The following PLEKHM2 variants were observed in gnomAD, a reference collection of about 807,000 sequenced individuals.
The protein encoded by PLEKHM2 is pleckstrin homology and RUN domain containing M2, also known as pleckstrin homology domain-containing family M member 2.
Under a neutral mutation model 116.3 loss-of-function variants are expected in PLEKHM2, and 77 were observed. The observed-to-expected ratio is 0.66, with a 90% confidence interval of 0.55 to 0.80. The LOEUF (loss-of-function observed/expected upper bound fraction) is 0.80, where lower values mean the gene tolerates loss of function less well. Among genes scored for constraint, PLEKHM2 ranks in the 30% least tolerant of loss-of-function variants. The pLI, the probability that PLEKHM2 is intolerant of heterozygous loss-of-function variation, is 0.00. For missense variants in PLEKHM2, 1,183 were observed against 1,354.9 expected (o/e 0.87, Z 1.99); for synonymous variants, 562 against 571.0 (o/e 0.98, Z 0.22).
chr1:15,715,328 T>C (rs754350144), intron 1 of PLEKHM2, among the ~76,000 whole-genome samples: 2 of 151,568 alleles, frequency 1.3e-5, no homozygotes, highest in Non-Finnish European at 2.9e-5. Context: ...CCAGCCTGCA[T>C]GACAGAGTGA....
At chr1:15,716,166 C>A in intron 1 of PLEKHM2, 71 bp from the exon 2 acceptor site, 1 of 984,050 alleles carries the variant, frequency 1.0e-6, no homozygotes, top group Non-Finnish European at 1.5e-6. Context: ...TAGCTACCTT[C>A]TTGATTCCAG....
chr1:15,701,167 C>T (rs1159522882), intron 1 of PLEKHM2, among the ~76,000 whole-genome samples: 1 of 145,602 alleles, frequency 6.9e-6, no homozygotes, highest in East Asian at 2.0e-4. Context: ...TGCGGTGGCT[C>T]ACTCCTGTAA....
At chr1:15,701,400 T>TCGTGC (rs1641108822) in intron 1 of PLEKHM2, among the ~76,000 whole-genome samples, 1 of 150,718 alleles carries the variant, frequency 6.6e-6, no homozygotes, top group Non-Finnish European at 1.5e-5. Flanking sequence ...GCCATTGCAT[T>TCGTGC]CCAGCCTGGG....
chr1:15,688,570 G>GA, intron 1 of PLEKHM2, among the ~76,000 whole-genome samples: 1 of 150,312 alleles, frequency 6.7e-6, no homozygotes, highest in African/African-American at 2.5e-5. Flanking sequence ...GGAAGCACTT[G>GA]ACCTGGGAGG....
chr1:15,712,169 A>C (rs1382452501), intron 1 of PLEKHM2, among the ~76,000 whole-genome samples: 1 of 151,952 alleles, frequency 6.6e-6, no homozygotes. Context: ...AAACACAAGC[A>C]GCCAGTGGAA....
intron 1 of PLEKHM2, among the ~76,000 whole-genome samples, chr1:15,713,855 G>A (rs1364303875): frequency 1.3e-5 from 2 of 151,718 alleles, no homozygotes; most frequent in South Asian, 2.1e-4. Flanking sequence ...AGCCAGGATG[G>A]TCTTGATCTC....
At chr1:15,733,529 CAG>C (rs999038145) in intron 19 of PLEKHM2, among the ~76,000 whole-genome samples, 4 of 152,192 alleles carry the variant, frequency 2.6e-5, no homozygotes, top group South Asian at 2.1e-4. Context: ...CAGAGCCAAA[CAG>C]AGTGCAGCGC....
intron 1 of PLEKHM2, among the ~76,000 whole-genome samples, chr1:15,696,836 A>G (rs751289650): frequency 4.6e-5 from 7 of 152,206 alleles, no homozygotes; most frequent in Admixed American, 3.3e-4. Context: ...TTTACTATCC[A>G]TTATGGATTT....
At chr1:15,713,539 T>G (rs1227912744) in intron 1 of PLEKHM2, among the ~76,000 whole-genome samples, 1 of 152,228 alleles carries the variant, frequency 6.6e-6, no homozygotes, top group Non-Finnish European at 1.5e-5. Flanking sequence ...GGACTTAACC[T>G]CGTCTCTGTA....
Position 15,721,023 on chromosome 1 carries a change from G to A in PLEKHM2, c.653-306G>A. 1 of 325,322 alleles carries A rather than the reference G, an allele frequency of 3.1e-6. No individual in the cohort carries two copies. Among genetic ancestry groups the A allele is most frequent in the Non-Finnish European group, 5.6e-6 (1 of 178,032 alleles). The allele number at this position is 325,322 out of a possible 1,614,324, so 20.2% of individuals were successfully genotyped here. A position where few individuals can be genotyped will look rare whatever the true frequency, so the allele number is the denominator to read the frequency against. On this transcript the variant is annotated intron_variant, in intron 6 of 19. Coordinates refer to ENST00000375799, the MANE Select transcript of PLEKHM2 (RefSeq NM_015164.4). This position sits in a 1 kb window ranked among gnomAD's most constrained non-coding sequence, Gnocchi z 5.1. ...GGGTATGGAGGGAAGGCACGTAAGA[G>A]GTAGAAAACAAAGCTAGGCACAGGC... is the stretch of plus-strand genomic sequence containing the variant.
rs762656151 is a variant in PLEKHM2 at position 15,727,397 on chromosome 1, C to G, written c.1325C>G (p.Pro442Arg). ...GACCAGTCCTTTCGGACCGGCTCTCCCGGGGATGCCCCGGAGAGGCCGCCG... is the reference window on the plus strand; with the variant it reads ...GACCAGTCCTTTCGGACCGGCTCTCGCGGGGATGCCCCGGAGAGGCCGCCG... ...PPDQSFRTGS[P>R]GDAPERPPLC... Residue 442 changes from proline (P) to arginine (R), a missense_variant, in exon 9 of 20, where the codon CCC becomes CGC. Around this residue, in one of 3 missense-constraint regions of PLEKHM2, gnomAD observed 372 missense variants for 357.2 expected, o/e 1.04. Coordinates refer to ENST00000375799, the MANE Select transcript of PLEKHM2 (RefSeq NM_015164.4). The surrounding 1 kb of genome is among the most constrained non-coding windows in gnomAD (Gnocchi z 7.5). 24 of 1,603,742 alleles carry G rather than the reference C, an allele frequency of 1.5e-5. No homozygotes were observed. The highest frequency in any genetic ancestry group is 2.0e-5 in the Non-Finnish European group (24 of 1,175,940).
chr1:15,730,572 G>A lies in PLEKHM2; in HGVS notation c.2249G>A (p.Trp750Ter), dbSNP rs1182969797. 6.2e-7 allele frequency: 1 copy of A among 1,603,702 alleles called. No individual in the cohort carries two copies. The stretch of plus-strand genomic sequence containing the variant: ...GTGCGCTTCTACGGCCTTGTGCACT[G>A]GGAGGACCCCACAGACGAGTCCCTG... ...VTVRFYGLVH[W>*]EDPTDESLGP... is the part of the protein sequence containing the mutation. The change falls in exon 15 of 20, where the codon TGG (tryptophan) becomes TAG (stop). Residue 750 changes from tryptophan to a stop codon, truncating the protein, a stop_gained. Coordinates refer to ENST00000375799, the MANE Select transcript of PLEKHM2 (RefSeq NM_015164.4). LOFTEE classifies it high-confidence loss of function.
Position 15,731,901 on chromosome 1 carries a change from C to T in PLEKHM2, c.2478C>T (p.Cys826=), listed in dbSNP as rs767988461. The T allele has an allele frequency of 9.3e-6, 15 of 1,610,526 alleles. No individual in the cohort carries two copies. Among genetic ancestry groups the T allele is most frequent in the South Asian group, 2.2e-5 (2 of 90,732 alleles). The change falls in exon 17 of 20, where the codon TGC becomes TGT. Residue 826 remains cysteine, a synonymous_variant. Coordinates refer to ENST00000375799, the MANE Select transcript of PLEKHM2 (RefSeq NM_015164.4). ...LLSVNMGGEQ[C]GGCRRANTTD... ...TCCTCTGGCCCAGGGGGGAGCAGTG[C>T]GGTGGCTGCCGGAGAGCCAACACCA...
intron 1 of PLEKHM2, 144 bp downstream of exon 1, chr1:15,684,762 A>G (rs1640730545): frequency 3.0e-6 from 1 of 336,340 alleles, no homozygotes; most frequent in South Asian, 1.3e-4. Context: ...CCGGGCCGGT[A>G]GAGGGGAAGC....
At chr1:15,703,661 A>G (rs1641163825) in intron 1 of PLEKHM2, among the ~76,000 whole-genome samples, 1 of 152,202 alleles carries the variant, frequency 6.6e-6, no homozygotes, top group Non-Finnish European at 1.5e-5. Flanking sequence ...GTGTATGAAG[A>G]TCAGAGAGAG....
In PLEKHM2 at chr1:15,719,612, A is replaced by G; in HGVS notation, c.466-122A>G. The stretch of plus-strand genomic sequence containing the variant: ...TTAGCAGCTTTTCTTTGAATTTACT[A>G]CCTTAAGCCATTGATTTCCCAAAGA... On this transcript the variant is annotated intron_variant, in intron 5 of 19. Transcript: ENST00000375799. This position sits in a 1 kb window ranked among gnomAD's most constrained non-coding sequence, Gnocchi z 4.1. The G allele has an allele frequency of 1.6e-6, 1 of 644,180 alleles. No homozygotes were observed. Among genetic ancestry groups the G allele is most frequent in the Non-Finnish European group, 2.8e-6 (1 of 362,936 alleles). 39.9% of individuals were successfully genotyped at this position (644,180 alleles called of 1,614,324 possible).
At chr1:15,690,559 AG>A (rs1640869449) in intron 1 of PLEKHM2, among the ~76,000 whole-genome samples, 3 of 152,250 alleles carry the variant, frequency 2.0e-5, no homozygotes, top group African/African-American at 7.2e-5. Flanking sequence ...TTTAGCCCAC[AG>A]GCAGTAGTTC....
intron 1 of PLEKHM2, among the ~76,000 whole-genome samples, chr1:15,714,750 G>C (rs1356102120): frequency 6.6e-6 from 1 of 152,210 alleles, no homozygotes; most frequent in African/African-American, 2.4e-5. Flanking sequence ...GTCCCAAGAG[G>C]TTAAACCTGA....
At chr1:15,702,974 G>C (rs116407295) in intron 1 of PLEKHM2, among the ~76,000 whole-genome samples, 1 of 150,880 alleles carries the variant, frequency 6.6e-6, no homozygotes, top group African/African-American at 2.4e-5. Context: ...CAATACTCCC[G>C]CTGACTCAGC....
Sources: allele counts gnomAD v4.1 joint callset (sites outside exome capture counted in the v4.1 genomes callset), GRCh38; gene constraint gnomAD v4.1.1; regional missense constraint gnomAD v4.1.1; non-coding constraint Gnocchi (gnomAD v3.1); transcripts MANE v1.5; gene names NCBI Gene and HGNC (gene_info 2026-07-23, HGNC 2026-07-21).